The following LCMT1 variants were observed in gnomAD, a reference collection of about 807,000 sequenced individuals.
LCMT1 encodes the protein [Phosphatase 2A protein]-leucine-carboxy methyltransferase 1.
In LCMT1, 32 loss-of-function variants were observed where a neutral mutation model predicts 47.7. The observed-to-expected ratio is 0.67, with a 90% CI of 0.51 to 0.90. LCMT1 has a LOEUF of 0.90. LCMT1 is among the 40% of genes least tolerant of loss of function. The pLI is 0.00. For synonymous variants in LCMT1, 152 were observed against 149.7 expected (o/e 1.02, Z -0.11); for missense variants, 375 against 415.2 (o/e 0.90, Z 0.84).
intron 1 of LCMT1, among the ~76,000 whole-genome samples, chr16:25,113,016 C>A (rs1023977915): frequency 6.6e-6 from 1 of 151,844 alleles, no homozygotes; most frequent in Non-Finnish European, 1.5e-5. Flanking sequence ...TGGCGGGCGC[C>A]TGTAATCCCA....
chr16:25,151,668 C>A (rs941549502), intron 5 of LCMT1, 53 bp downstream of exon 5: 3 of 1,415,348 alleles, frequency 2.1e-6, no homozygotes, highest in Admixed American at 1.8e-5. Context: ...TGCTTCCCAC[C>A]CCCTTTTTGA....
chr16:25,138,972 G>T (rs903006316), intron 3 of LCMT1, among the ~76,000 whole-genome samples: 1 of 151,232 alleles, frequency 6.6e-6, no homozygotes, highest in African/African-American at 2.4e-5. Context: ...ACGGAGTCTC[G>T]CTTTGTCGCC....
intron 1 of LCMT1, among the ~76,000 whole-genome samples, chr16:25,123,123 A>G (rs1262551258): frequency 6.6e-6 from 1 of 151,786 alleles, no homozygotes; most frequent in Non-Finnish European, 1.5e-5. Flanking sequence ...TTGCAGTGCT[A>G]ATTTTATTCC....
chr16:25,132,227 C>CA (rs201097797), intron 2 of LCMT1, 175 bp from the exon 3 acceptor site: 23,770 of 570,030 alleles, frequency 0.042, 10 homozygotes, highest in Middle Eastern at 0.046. Context: ...TGCCTTTAAC[C>CA]AAAAAAAAAA....
At chr16:25,135,354 A>C (rs1215983137) in intron 3 of LCMT1, among the ~76,000 whole-genome samples, 1 of 151,942 alleles carries the variant, frequency 6.6e-6, no homozygotes, top group African/African-American at 2.4e-5. Context: ...ACTGTAGCCC[A>C]GGGCCAAATC....
At chr16:25,145,640 A>G (rs1308700249) in intron 4 of LCMT1, 1 of 152,264 alleles carries the variant, frequency 6.6e-6, no homozygotes, top group Non-Finnish European at 1.5e-5. Flanking sequence ...GTCCTACACA[A>G]ACTGATATTC....
intron 4 of LCMT1, chr16:25,148,705 C>G (rs573290680): frequency 6.6e-6 from 1 of 152,172 alleles, no homozygotes; most frequent in African/African-American, 2.4e-5. Flanking sequence ...GGAAAACTTA[C>G]CAGTCGCGAG....
intron 2 of LCMT1, 69 bp downstream of exon 2, chr16:25,128,635 A>C (rs940727126): frequency 8.2e-7 from 1 of 1,214,494 alleles, no homozygotes; most frequent in African/African-American, 1.5e-5. Context: ...TCATTCTTGA[A>C]GGAAGTCGTG....
At chr16:25,158,795 G>A (rs185511447) in intron 5 of LCMT1, 1 of 152,320 alleles carries the variant, frequency 6.6e-6, no homozygotes, top group African/African-American at 2.4e-5. Flanking sequence ...AGCTTGAGTA[G>A]CCCCTGACTT....
chr16:25,154,636 G>A (rs560454044), intron 5 of LCMT1, among the ~76,000 whole-genome samples: 3 of 151,656 alleles, frequency 2.0e-5, no homozygotes, highest in East Asian at 3.9e-4. Flanking sequence ...ACAGGTGCCC[G>A]CCACCACGCC....
At chr16:25,116,189 G>A (rs1959778334) in intron 1 of LCMT1, among the ~76,000 whole-genome samples, 1 of 152,174 alleles carries the variant, frequency 6.6e-6, no homozygotes, top group Non-Finnish European at 1.5e-5. Context: ...TTGGGGGAGG[G>A]TCAAGGGATT....
At chr16:25,143,363 C>A (rs1341294934) in intron 4 of LCMT1, 1 of 152,212 alleles carries the variant, frequency 6.6e-6, no homozygotes, top group Admixed American at 6.5e-5. Flanking sequence ...TTCATCTTAA[C>A]TTTCCCTGAT....
chr16:25,177,907 T>G (rs1961997910), intron 10 of LCMT1, 94 bp from the exon 11 acceptor site: 1 of 1,036,704 alleles, frequency 9.6e-7, no homozygotes, highest in African/African-American at 1.6e-5. Context: ...GCAGTGTGGC[T>G]GGTGCCCCTG....
At chr16:25,117,509 C>T (rs1959832432) in intron 1 of LCMT1, among the ~76,000 whole-genome samples, 1 of 152,160 alleles carries the variant, frequency 6.6e-6, no homozygotes, top group East Asian at 1.9e-4. Context: ...CTCGTGTTCT[C>T]CCTGCCATTC....
At position 25,132,838 on chromosome 16, in the gene LCMT1, G is replaced by A. The variant is rs74869496; in HGVS notation, c.327+315G>A. ...ACCAGTAGAATTGCTGGAATGGAGA[G>A]CTCATGCATGCATTTGTAACTTTTT... On this transcript the variant is annotated intron_variant, in intron 3 of 10. Coordinates refer to ENST00000399069, the MANE Select transcript of LCMT1 (RefSeq NM_016309.3). Among the ~76,000 whole-genome samples the A allele has an allele frequency of 8.0e-3, 1,211 of 150,576 alleles. 16 individuals are homozygous for A. The highest frequency in any genetic ancestry group is 0.028 in the African/African-American group (1,153 of 40,488).
Position 25,111,770 on chromosome 16 carries a change from T to C in LCMT1, c.-114T>C, listed in dbSNP as rs1597549668. The C allele has an allele frequency of 1.4e-6, 1 of 702,914 alleles. No homozygotes were observed. The highest frequency in any genetic ancestry group is 2.8e-5 in the East Asian group (1 of 36,224). 43.5% of individuals were successfully genotyped at this position (702,914 alleles called of 1,614,324 possible). On this transcript the variant is annotated 5_prime_UTR_variant, in exon 1 of 11. Transcript: ENST00000399069. ...ACTGAGCCGCGCCAGCTGAGCCAGG[T>C]AGGGCCCTACCCTCTTCTGTTGCTT...
At chr16:25,161,298 C>T (rs1961425940) in intron 6 of LCMT1, 94 bp downstream of exon 6, 1 of 582,670 alleles carries the variant, frequency 1.7e-6, no homozygotes, top group East Asian at 3.0e-5. Context: ...TATTCATGTT[C>T]CATTTTTTAT....
chr16:25,128,687 C>G (rs889653054), intron 2 of LCMT1, 121 bp downstream of exon 2: 21 of 705,910 alleles, frequency 3.0e-5, no homozygotes, highest in Non-Finnish European at 4.6e-5. Context: ...GCTTATTTCC[C>G]CAGATCTTCA....
At chr16:25,136,413 AGAAGTT>A (rs1459573865) in intron 3 of LCMT1, among the ~76,000 whole-genome samples, 1 of 151,984 alleles carries the variant, frequency 6.6e-6, no homozygotes, top group Non-Finnish European at 1.5e-5. Flanking sequence ...TCACAGAAGA[AGAAGTT>A]GAAGCATCAC....
Sources: gnomAD v4.1 joint callset for allele counts (sites outside exome capture counted in the v4.1 genomes callset) on GRCh38, gnomAD v4.1.1 for gene constraint, MANE v1.5 for transcripts, NCBI Gene and HGNC (gene_info 2026-07-23, HGNC 2026-07-21) for gene names.